The following HS2ST1 variants were observed in gnomAD, a reference collection of about 807,000 sequenced individuals.
HS2ST1 encodes 2-O-sulfotransferase.
HS2ST1 carries 18 observed loss-of-function variants against 42.9 expected under a neutral mutation model. That is an observed-to-expected ratio of 0.42 (90% CI 0.29 to 0.62). The LOEUF (loss-of-function observed/expected upper bound fraction) is 0.62, where lower values mean the gene tolerates loss of function less well. Ranked by LOEUF, HS2ST1 falls within the 20% of genes least tolerant of loss-of-function variation. The pLI, the probability that HS2ST1 is intolerant of heterozygous loss-of-function variation, is 0.21. For missense variants in HS2ST1, 334 were observed against 433.8 expected, an observed-to-expected ratio of 0.77 and a Z score of 2.04; for synonymous variants, 146 against 152.9, an observed-to-expected ratio of 0.95 and a Z score of 0.33.
chr1:86,925,476 C>T (rs189112582), intron 1 of HS2ST1, among the ~76,000 whole-genome samples: 8 of 152,256 alleles, frequency 5.3e-5, no homozygotes, highest in Admixed American at 1.3e-4. Context: ...AACTAAAAGA[C>T]GTTTAATAGT....
At chr1:87,020,220 C>G (rs963570829) in intron 1 of HS2ST1, among the ~76,000 whole-genome samples, 9 of 152,156 alleles carry the variant, frequency 5.9e-5, no homozygotes, top group Non-Finnish European at 1.3e-4. Context: ...CTTGTTGGCT[C>G]TAAAGTTGAG....
intron 1 of HS2ST1, among the ~76,000 whole-genome samples, chr1:87,010,093 G>T (rs1479115690): frequency 6.6e-6 from 1 of 151,758 alleles, no homozygotes; most frequent in Non-Finnish European, 1.5e-5. Flanking sequence ...CTAGAAACTG[G>T]CACATAGCAC....
intron 1 of HS2ST1, among the ~76,000 whole-genome samples, chr1:86,922,015 A>T (rs1660309915): frequency 6.6e-6 from 1 of 152,094 alleles, no homozygotes. Flanking sequence ...GTGATTATTG[A>T]TGTGGTTGGG....
rs1266313752 is a variant in HS2ST1 at position 86,915,025 on chromosome 1, G to A, written c.-12G>A. The A allele has an allele frequency of 1.2e-6, 2 of 1,613,932 alleles. No homozygotes were observed. The highest frequency in any genetic ancestry group is 8.5e-7 in the Non-Finnish European group (1 of 1,179,996). ...CCCCCGCGGTATGTCTTGATCCCGA[G>A]CAGCGGGTTTCATGGGGCTCCTCAG... On this transcript the variant is annotated 5_prime_UTR_variant, in exon 1 of 7. Transcript: ENST00000370550.
intron 1 of HS2ST1, among the ~76,000 whole-genome samples, chr1:86,936,870 C>T (rs561900427): frequency 2.8e-5 from 4 of 144,454 alleles, no homozygotes; most frequent in South Asian, 2.2e-4. Flanking sequence ...CTGAGGTGGG[C>T]GGATCACGTG....
chr1:87,085,428 T>C (rs752519619), intron 3 of HS2ST1, among the ~76,000 whole-genome samples: 2 of 152,194 alleles, frequency 1.3e-5, no homozygotes, highest in Non-Finnish European at 2.9e-5. Context: ...GGAAATCATG[T>C]AATTAAAAAA....
At chr1:87,047,513 T>A (rs1650714032) in intron 1 of HS2ST1, among the ~76,000 whole-genome samples, 1 of 152,212 alleles carries the variant, frequency 6.6e-6, no homozygotes, top group African/African-American at 2.4e-5. Context: ...ACTAGGATTG[T>A]TTCTTCTATA....
rs1021039697 is a variant in HS2ST1 at position 87,058,128 on chromosome 1, A to G, written c.125-14806A>G. ...GCTTTATGGAACTTATCTCAGGGTT[A>G]TGCAATCCAGAGGTCCCCTGATTTC... On this transcript the variant is annotated intron_variant, in intron 1 of 6. Transcript: ENST00000370550. Among the ~76,000 whole-genome samples the G allele has an allele frequency of 6.6e-5, 10 of 151,650 alleles. 1 individual carries two copies. The highest frequency in any genetic ancestry group is 9.8e-5 in the African/African-American group (4 of 40,958).
intron 1 of HS2ST1, among the ~76,000 whole-genome samples, chr1:86,984,721 A>G (rs1368234488): frequency 6.6e-6 from 1 of 151,996 alleles, no homozygotes; most frequent in Non-Finnish European, 1.5e-5. Flanking sequence ...CCCCATCTCT[A>G]CTAATAAAAT....
intron 1 of HS2ST1, among the ~76,000 whole-genome samples, chr1:87,040,694 T>G (rs537646937): frequency 6.6e-6 from 1 of 152,264 alleles, no homozygotes; most frequent in Non-Finnish European, 1.5e-5. Flanking sequence ...TAGAGCATTA[T>G]TTCTGTAATT....
In HS2ST1 at chr1:87,051,631, C is replaced by T. The variant is rs550837422; in HGVS notation, c.125-21303C>T. Among the ~76,000 whole-genome samples the T allele has an allele frequency of 1.8e-4, 27 of 152,194 alleles. No individual in the cohort carries two copies. The East Asian group carries it at 5.2e-3, about 29-fold the overall frequency. ...AAAATTCAGTAAAACACAATTAAAACTCAAATTATGGTCAAGCATTAGTTT... is the reference window on the plus strand; with the variant it reads ...AAAATTCAGTAAAACACAATTAAAATTCAAATTATGGTCAAGCATTAGTTT... On this transcript the variant is annotated intron_variant, in intron 1 of 6. Transcript: ENST00000370550.
chr1:86,950,099 A>G (rs772223675), intron 1 of HS2ST1, among the ~76,000 whole-genome samples: 11 of 152,252 alleles, frequency 7.2e-5, no homozygotes, highest in Non-Finnish European at 1.2e-4. Flanking sequence ...TTGGATTCGG[A>G]GAAATCTGAC....
chr1:87,098,108 C>G (rs1652113899), intron 5 of HS2ST1, 173 bp downstream of exon 5: 1 of 1,386,514 alleles, frequency 7.2e-7, no homozygotes, highest in Non-Finnish European at 9.4e-7. Context: ...TTAAAAGATT[C>G]CTCATGTAGA....
intron 1 of HS2ST1, among the ~76,000 whole-genome samples, chr1:87,021,842 A>G (rs1649962357): frequency 6.6e-6 from 1 of 152,198 alleles, no homozygotes; most frequent in Non-Finnish European, 1.5e-5. Flanking sequence ...ACCACCGATG[A>G]TACTTCAGAG....
intron 1 of HS2ST1, among the ~76,000 whole-genome samples, chr1:86,999,250 C>A (rs1319907790): frequency 6.6e-6 from 1 of 152,018 alleles, no homozygotes; most frequent in African/African-American, 2.4e-5. Flanking sequence ...GCGATCTCGG[C>A]TCACCGCGGT....
In HS2ST1 at chr1:87,092,630, T is replaced by C. The variant is rs769711302; in HGVS notation, c.549T>C (p.Tyr183=). 7 of 1,573,372 alleles carry C rather than the reference T, an allele frequency of 4.4e-6. No individual in the cohort carries two copies. The highest frequency in any genetic ancestry group is 6.0e-6 in the Non-Finnish European group (7 of 1,161,708). Reference sequence around the variant, plus strand: ...ACTTTCTGAGATTTGGAGATGATTATAGACCAGGGTTACGGAGACGAAAAC... The same window carrying C: ...ACTTTCTGAGATTTGGAGATGATTACAGACCAGGGTTACGGAGACGAAAAC... ...YYYFLRFGDD[Y]RPGLRRRKQG... The change falls in exon 4 of 7, where the codon TAT becomes TAC. Residue 183 remains tyrosine, a synonymous_variant. Transcript: ENST00000370550.
intron 1 of HS2ST1, among the ~76,000 whole-genome samples, chr1:86,957,870 C>T (rs1443107739): frequency 2.7e-5 from 4 of 150,150 alleles, no homozygotes; most frequent in African/African-American, 9.8e-5. Context: ...TCTCAGCTCA[C>T]TGCAAACTCT....
At chr1:87,015,502 G>A (rs550571788) in intron 1 of HS2ST1, among the ~76,000 whole-genome samples, 18 of 151,792 alleles carry the variant, frequency 1.2e-4, no homozygotes, top group East Asian at 1.2e-3. Context: ...GCCCCACCAC[G>A]CCCAGCTAAT....
chr1:87,020,758 T>C (rs567860764), intron 1 of HS2ST1, among the ~76,000 whole-genome samples: 5 of 152,214 alleles, frequency 3.3e-5, no homozygotes, highest in Non-Finnish European at 7.3e-5. Context: ...TGTGTTTTAA[T>C]CTCCTCTCCT....
Sources: gnomAD v4.1 joint callset for allele counts (sites outside exome capture counted in the v4.1 genomes callset) on GRCh38, gnomAD v4.1.1 for gene constraint, MANE v1.5 for transcripts, NCBI Gene and HGNC (gene_info 2026-07-23, HGNC 2026-07-21) for gene names.